The following PPP2R2C variants were observed in gnomAD, a reference collection of about 807,000 sequenced individuals.
The protein encoded by PPP2R2C is protein phosphatase 2, regulatory subunit B, gamma.
In PPP2R2C, 10 loss-of-function variants were observed where a neutral mutation model predicts 45.3. That is an observed-to-expected ratio of 0.22 (90% CI 0.14 to 0.37). The LOEUF is 0.37. Ranked by LOEUF, PPP2R2C falls within the 10% of genes least tolerant of loss-of-function variation. The pLI is 1.00. For synonymous variants in PPP2R2C, 257 were observed against 245.4 expected (o/e 1.05, Z -0.44); for missense variants, 308 against 619.7 (o/e 0.50, Z 5.34).
chr4:6,447,134 C>G (rs530804566), intron 1 of PPP2R2C, among the ~76,000 whole-genome samples: 24 of 152,078 alleles, frequency 1.6e-4, no homozygotes, highest in Non-Finnish European at 7.4e-5. Context: ...CCCTGGGGAG[C>G]TGGCCTGGCT....
chr4:6,542,729 G>A (rs1404108712), intron 1 of PPP2R2C, among the ~76,000 whole-genome samples: 1 of 57,030 alleles, frequency 1.8e-5, no homozygotes, highest in Non-Finnish European at 4.1e-5. Context: ...AAGAAAAAAA[G>A]ATCATGCTAG....
chr4:6,514,215 T>G (rs2108808182), intron 2 of PPP2R2C, among the ~76,000 whole-genome samples: 1 of 152,370 alleles, frequency 6.6e-6, no homozygotes, highest in African/African-American at 2.4e-5. Context: ...TCTTTTCAAT[T>G]TTGTGAACCT....
intron 1 of PPP2R2C, among the ~76,000 whole-genome samples, chr4:6,416,975 G>C (rs1235050860): frequency 6.6e-6 from 1 of 152,094 alleles, no homozygotes. Flanking sequence ...AACAGCCAGG[G>C]GCCACTGTAC....
In PPP2R2C at chr4:6,400,194, A is replaced by G. The variant is rs549918331; in HGVS notation, c.71-19100T>C. Among the ~76,000 whole-genome samples, 7 of 152,340 alleles carry G rather than the reference A, an allele frequency of 4.6e-5. No homozygotes were observed. The South Asian group carries it at 1.5e-3, about 32-fold the overall frequency. On this transcript the variant is annotated intron_variant, in intron 1 of 8. Coordinates refer to ENST00000382599, the MANE Select transcript of PPP2R2C (RefSeq NM_020416.4). ...TCCAACTACATATCTGTTTGAGGAT[A>G]GATGTTCGACAATACCTCAACCAAA...
intron 2 of PPP2R2C, among the ~76,000 whole-genome samples, chr4:6,527,616 C>G (rs950261922): frequency 6.6e-6 from 1 of 151,822 alleles, no homozygotes; most frequent in Admixed American, 6.6e-5. Flanking sequence ...CAGGCACCAC[C>G]CCAGCTTCCT....
At chr4:6,344,383 T>C (rs981911043) in intron 6 of PPP2R2C, among the ~76,000 whole-genome samples, 34 of 152,188 alleles carry the variant, frequency 2.2e-4, no homozygotes, top group African/African-American at 8.2e-4. Flanking sequence ...TGAAATTACG[T>C]GGCTGAAATG....
chr4:6,435,161 T>C (rs1719832387), intron 1 of PPP2R2C, among the ~76,000 whole-genome samples: 1 of 152,220 alleles, frequency 6.6e-6, no homozygotes, highest in Admixed American at 6.5e-5. Context: ...ATCTGTCCTC[T>C]GCATCATGTT....
intron 1 of PPP2R2C, among the ~76,000 whole-genome samples, chr4:6,549,622 C>A (rs1170053576): frequency 6.6e-6 from 1 of 152,212 alleles, no homozygotes; most frequent in Non-Finnish European, 1.5e-5. Context: ...AGGTTTGCAG[C>A]CCTGAGAGCA....
chr4:6,457,414 C>T (rs1721102783), intron 1 of PPP2R2C, among the ~76,000 whole-genome samples: 1 of 152,066 alleles, frequency 6.6e-6, no homozygotes. Context: ...CTCTGTCACC[C>T]AGGCTGGAGT....
chr4:6,552,159 C>T (rs1404804736), intron 1 of PPP2R2C, among the ~76,000 whole-genome samples: 2 of 152,246 alleles, frequency 1.3e-5, no homozygotes, highest in Non-Finnish European at 2.9e-5. Context: ...TCCATGGCAC[C>T]TGCTCTGAAA....
intron 4 of PPP2R2C, among the ~76,000 whole-genome samples, chr4:6,374,991 A>T (rs1214677994): frequency 6.6e-6 from 1 of 152,004 alleles, no homozygotes; most frequent in Admixed American, 6.6e-5. Context: ...ACAGAGAAAA[A>T]TCTCCAACGC....
intron 5 of PPP2R2C, among the ~76,000 whole-genome samples, chr4:6,360,410 G>GA (rs779517130): frequency 6.6e-6 from 1 of 152,214 alleles, no homozygotes. Context: ...GGATCCATGA[G>GA]AAAGAGGGCT....
chr4:6,430,046 G>A (rs1719533614), intron 1 of PPP2R2C, among the ~76,000 whole-genome samples: 2 of 152,162 alleles, frequency 1.3e-5, no homozygotes, highest in Admixed American at 6.5e-5. Context: ...GACACCACCT[G>A]AAGCCTCACT....
Position 6,345,922 on chromosome 4 carries a change from A to C in PPP2R2C, c.790+1924T>G, listed in dbSNP as rs985309065. ...GCCTGGATATCTGGCTGCCTACTCGACCCATTTCCTTGGAACCCAATACGG... is the reference window on the plus strand; with the variant it reads ...GCCTGGATATCTGGCTGCCTACTCGCCCCATTTCCTTGGAACCCAATACGG... On this transcript the variant is annotated intron_variant, in intron 6 of 8. Transcript: ENST00000382599. The surrounding 1 kb of genome is among the most constrained non-coding windows in gnomAD (Gnocchi z 5.3). 1.3e-5 allele frequency among the ~76,000 whole-genome samples: 2 copies of C among 151,932 alleles called. No homozygotes were observed. Among genetic ancestry groups the C allele is most frequent in the African/African-American group, 4.8e-5 (2 of 41,338 alleles).
chr4:6,559,712 T>C (rs1049232665), intron 1 of PPP2R2C, among the ~76,000 whole-genome samples: 5 of 152,208 alleles, frequency 3.3e-5, no homozygotes, highest in African/African-American at 1.2e-4. Context: ...GGAGCTCATT[T>C]GCCCCTTCCA....
chr4:6,381,268 G>A (rs1305796778), intron 1 of PPP2R2C, 174 bp from the exon 2 acceptor site: 4 of 1,532,132 alleles, frequency 2.6e-6, no homozygotes, highest in South Asian at 2.4e-5. Context: ...CCACCAACCT[G>A]TCCCCTCCTG....
At chr4:6,445,646 G>A (rs1358606993) in intron 1 of PPP2R2C, among the ~76,000 whole-genome samples, 1 of 152,246 alleles carries the variant, frequency 6.6e-6, no homozygotes, top group Non-Finnish European at 1.5e-5. Context: ...TTGAGTCTAG[G>A]AGTTTGAGGC....
intron 1 of PPP2R2C, chr4:6,535,473 C>T (rs1245433725): frequency 1.3e-5 from 11 of 872,100 alleles, no homozygotes; most frequent in East Asian, 2.9e-5. Flanking sequence ...CCGCCACCCA[C>T]GGCCGCCCTG....
At chr4:6,466,359 A>G (rs1721595828) in intron 1 of PPP2R2C, among the ~76,000 whole-genome samples, 2 of 152,208 alleles carry the variant, frequency 1.3e-5, no homozygotes, top group African/African-American at 4.8e-5. Context: ...ACATGAACCC[A>G]AGCACAGGTC....
Sources: allele counts gnomAD v4.1 joint callset (sites outside exome capture counted in the v4.1 genomes callset), GRCh38; gene constraint gnomAD v4.1.1; non-coding constraint Gnocchi (gnomAD v3.1); transcripts MANE v1.5; gene names NCBI Gene and HGNC (gene_info 2026-07-23, HGNC 2026-07-21).